Variants in ROBO1 observed in about 807,000 individuals in gnomAD.
ROBO1 encodes roundabout guidance receptor 1, also known as roundabout homolog 1.
A neutral mutation model predicts 195.9 loss-of-function variants in ROBO1; 149 were observed. The ratio of observed to expected loss-of-function variants is 0.76; its 90% CI spans 0.67 to 0.87. ROBO1 has a LOEUF of 0.87. ROBO1 is among the 40% of genes least tolerant of loss of function. ROBO1 has a pLI of 0.00. For missense variants in ROBO1, 1,933 were observed against 2,068.3 expected, an observed-to-expected ratio of 0.93 and a Z score of 1.27; for synonymous variants, 816 against 733.2, an observed-to-expected ratio of 1.11 and a Z score of -1.82.
intron 2 of ROBO1, among the ~76,000 whole-genome samples, chr3:79,317,799 T>G (rs1183388547): frequency 6.6e-6 from 1 of 152,154 alleles, no homozygotes; most frequent in Non-Finnish European, 1.5e-5. Context: ...CAGGGTTCTC[T>G]GGATATATAT....
At chr3:79,140,937 A>G (rs1490534117) in intron 2 of ROBO1, among the ~76,000 whole-genome samples, 1 of 152,188 alleles carries the variant, frequency 6.6e-6, no homozygotes, top group African/African-American at 2.4e-5. Context: ...TGCAGAACTT[A>G]GTTGCCTAAT....
At chr3:78,646,581 T>C (rs1706307038) in intron 20 of ROBO1, among the ~76,000 whole-genome samples, 1 of 140,706 alleles carries the variant, frequency 7.1e-6, no homozygotes, top group African/African-American at 2.7e-5. Context: ...ATTTCATAAT[T>C]TTATATAGGT....
intron 2 of ROBO1, among the ~76,000 whole-genome samples, chr3:79,239,912 G>C: frequency 6.6e-6 from 1 of 152,036 alleles, no homozygotes; most frequent in African/African-American, 2.4e-5. Context: ...AAATAAACTT[G>C]TATATATTTA....
intron 2 of ROBO1, among the ~76,000 whole-genome samples, chr3:79,242,741 T>G (rs1049416624): frequency 1.3e-5 from 2 of 152,162 alleles, no homozygotes; most frequent in African/African-American, 4.8e-5. Context: ...ATAAAAAAAG[T>G]CTGCTCTGTC....
intron 1 of ROBO1, among the ~76,000 whole-genome samples, chr3:79,646,406 A>G (rs1945823514): frequency 6.6e-6 from 1 of 152,156 alleles, no homozygotes; most frequent in African/African-American, 2.4e-5. Flanking sequence ...ATGACAGGGA[A>G]CAACAAATAC....
At chr3:79,311,778 C>A (rs2033496748) in intron 2 of ROBO1, among the ~76,000 whole-genome samples, 1 of 152,038 alleles carries the variant, frequency 6.6e-6, no homozygotes, top group Admixed American at 6.6e-5. Flanking sequence ...AGTAAATCTA[C>A]AAGGTATGGT....
chr3:78,963,504 T>G (rs1298840193), intron 3 of ROBO1, among the ~76,000 whole-genome samples: 25 of 119,744 alleles, frequency 2.1e-4, no homozygotes, highest in Non-Finnish European at 3.4e-4. Context: ...GTTTTTTTTT[T>G]TTTTTTTTTT....
chr3:78,721,466 T>C (rs904753718), intron 5 of ROBO1, among the ~76,000 whole-genome samples: 3 of 152,202 alleles, frequency 2.0e-5, no homozygotes, highest in Non-Finnish European at 4.4e-5. Context: ...CCTCTTCTTA[T>C]GCCTCAGAAT....
At chr3:79,266,236 C>T (rs1393431125) in intron 2 of ROBO1, among the ~76,000 whole-genome samples, 1 of 151,410 alleles carries the variant, frequency 6.6e-6, no homozygotes, top group Non-Finnish European at 1.5e-5. Context: ...GAAAATCCAG[C>T]GAGAGCTCAA....
chr3:79,751,016 C>A (rs1412945024), intron 1 of ROBO1, among the ~76,000 whole-genome samples: 4 of 152,238 alleles, frequency 2.6e-5, no homozygotes, highest in African/African-American at 9.6e-5. Context: ...TAAATAATTT[C>A]ATGTAGATTT....
At chr3:78,800,957 C>T (rs908782492) in intron 4 of ROBO1, among the ~76,000 whole-genome samples, 6 of 152,104 alleles carry the variant, frequency 3.9e-5, no homozygotes, top group South Asian at 2.1e-4. Flanking sequence ...AGGATAAATA[C>T]GGATAATCTT....
chr3:79,213,646 G>T (rs1415975339), intron 2 of ROBO1, among the ~76,000 whole-genome samples: 1 of 151,984 alleles, frequency 6.6e-6, no homozygotes, highest in Non-Finnish European at 1.5e-5. Flanking sequence ...AAATCCAAGA[G>T]ATTTAATTTC....
intron 1 of ROBO1, among the ~76,000 whole-genome samples, chr3:79,655,199 A>T (rs1031537389): frequency 2.0e-5 from 3 of 152,088 alleles, no homozygotes; most frequent in Admixed American, 2.0e-4. Context: ...TTGAATACTC[A>T]AGATCAAAAA....
chr3:78,957,416 C>T (rs1490186064), intron 3 of ROBO1, among the ~76,000 whole-genome samples: 1 of 152,042 alleles, frequency 6.6e-6, no homozygotes, highest in Non-Finnish European at 1.5e-5. Flanking sequence ...GCAAGTGACA[C>T]TGTGTGCACT....
chr3:79,380,231 C>T (rs1030656233), intron 2 of ROBO1, among the ~76,000 whole-genome samples: 3 of 152,046 alleles, frequency 2.0e-5, no homozygotes, highest in Middle Eastern at 3.2e-3. Context: ...TACTCTTTTC[C>T]TTCAATTATA....
At chr3:79,075,000 G>A (rs2079148533) in intron 3 of ROBO1, among the ~76,000 whole-genome samples, 1 of 151,850 alleles carries the variant, frequency 6.6e-6, no homozygotes, top group African/African-American at 2.4e-5. Flanking sequence ...TCAAGCACAA[G>A]ATAGAGGATA....
At chr3:79,569,968 A>G (rs1200099175) in intron 2 of ROBO1, among the ~76,000 whole-genome samples, 1 of 150,104 alleles carries the variant, frequency 6.7e-6, no homozygotes, top group Non-Finnish European at 1.5e-5. Flanking sequence ...TGGCATAGTG[A>G]TGTTCACCTG....
At chr3:79,679,909 T>G (rs1247667910) in intron 1 of ROBO1, among the ~76,000 whole-genome samples, 8 of 152,030 alleles carry the variant, frequency 5.3e-5, no homozygotes, top group Non-Finnish European at 5.9e-5. Context: ...GATCCAATGT[T>G]CTTGAGTTTA....
intron 2 of ROBO1, among the ~76,000 whole-genome samples, chr3:79,445,771 C>G (rs1209689977): frequency 6.6e-6 from 1 of 151,720 alleles, no homozygotes. Flanking sequence ...ACACCATTCT[C>G]CTGCCTCAGC....
Sources: gnomAD v4.1 joint callset for allele counts (sites outside exome capture counted in the v4.1 genomes callset) on GRCh38, gnomAD v4.1.1 for gene constraint, MANE v1.5 for transcripts, NCBI Gene and HGNC (gene_info 2026-07-23, HGNC 2026-07-21) for gene names.